PDE1A: variants seen among roughly 807,000 people sequenced by gnomAD.
The protein encoded by PDE1A is phosphodiesterase 1A.
Under a neutral mutation model 61.7 loss-of-function variants are expected in PDE1A, and 35 were observed. The observed-to-expected ratio is 0.57, with a 90% CI of 0.43 to 0.75. The LOEUF (loss-of-function observed/expected upper bound fraction) is 0.75. Among genes scored for constraint, PDE1A ranks in the 30% least tolerant of loss-of-function variants. The pLI is 0.00. For synonymous variants in PDE1A, 232 were observed against 213.2 expected, an observed-to-expected ratio of 1.09 and a Z score of -0.77; for missense variants, 597 against 630.6, an observed-to-expected ratio of 0.95 and a Z score of 0.57.
the PDE1A span, among the ~76,000 whole-genome samples, chr2:182,667,836 C>T: frequency 0.012 from 1,891 of 152,288 alleles, 27 homozygotes; most frequent in African/African-American, 0.031. Context: ...TCCAAAATCT[C>T]TTTCTTTCAA....
chr2:182,674,539 A>G, the PDE1A span, among the ~76,000 whole-genome samples: 2 of 151,040 alleles, frequency 1.3e-5, no homozygotes, highest in East Asian at 3.9e-4. Flanking sequence ...ATAAAATTAT[A>G]TATTGAATCA....
the PDE1A span, among the ~76,000 whole-genome samples, chr2:182,626,828 T>C: frequency 8.4e-5 from 3 of 35,750 alleles, no homozygotes; most frequent in South Asian, 1.1e-3. Flanking sequence ...TATATATACA[T>C]ATATATATAC....
At chr2:182,540,635 T>A in the PDE1A span, among the ~76,000 whole-genome samples, 1 of 152,204 alleles carries the variant, frequency 6.6e-6, no homozygotes, top group East Asian at 1.9e-4. Context: ...TATTTCTTGA[T>A]TTAAGTAAAG....
chr2:182,201,157 C>G (rs533513305), intron 10 of PDE1A, among the ~76,000 whole-genome samples: 5 of 152,248 alleles, frequency 3.3e-5, no homozygotes, highest in African/African-American at 1.2e-4. Flanking sequence ...GTGGCACTTA[C>G]GTCTTAACAG....
At chr2:182,247,257 TAAAA>T (rs1439342695) in intron 2 of PDE1A, among the ~76,000 whole-genome samples, 3 of 152,042 alleles carry the variant, frequency 2.0e-5, no homozygotes, top group African/African-American at 7.2e-5. Flanking sequence ...AAAGAAAACT[TAAAA>T]AAAGTATGCA....
chr2:182,600,435 T>A, the PDE1A span, among the ~76,000 whole-genome samples: 4 of 152,298 alleles, frequency 2.6e-5, no homozygotes, highest in East Asian at 3.9e-4. Flanking sequence ...TTCACACTTG[T>A]GTAGCTGAAA....
rs1249589936 is a variant in PDE1A at position 182,370,814 on chromosome 2, T to C, written c.53+55764A>G. On this transcript the variant is annotated intron_variant, in intron 1 of 13. Coordinates refer to ENST00000351439, the Ensembl canonical transcript of PDE1A. ...GTGTGCTGTTGAAACAGAAAAGTTA[T>C]GGGATTGCAGGAGATTAGGAGTTCG... is the stretch of plus-strand genomic sequence containing the variant. Among the ~76,000 whole-genome samples the C allele has an allele frequency of 2.6e-5, 4 of 152,280 alleles. No individual in the cohort carries two copies. The East Asian group carries it at 5.8e-4, about 22-fold the overall frequency.
chr2:182,511,269 G>A (rs532674004), intron 2 of PDE1A, among the ~76,000 whole-genome samples: 13 of 151,978 alleles, frequency 8.6e-5, no homozygotes, highest in Non-Finnish European at 1.3e-4. Flanking sequence ...AGACCGGCAC[G>A]CTCCAAGCAG....
intron 1 of PDE1A, among the ~76,000 whole-genome samples, chr2:182,269,631 T>C (rs944670472): frequency 6.6e-6 from 1 of 152,084 alleles, no homozygotes; most frequent in African/African-American, 2.4e-5. Flanking sequence ...ATAACAAAAC[T>C]AGATGCAATC....
the PDE1A span, among the ~76,000 whole-genome samples, chr2:182,631,059 T>TC: frequency 9.2e-5 from 14 of 152,088 alleles, no homozygotes; most frequent in Non-Finnish European, 2.1e-4. Context: ...AGGTATTGGC[T>TC]CACACAATTG....
chr2:182,166,013 G>A (rs1456147869), downstream of PDE1A, among the ~76,000 whole-genome samples: 1 of 152,220 alleles, frequency 6.6e-6, no homozygotes, highest in East Asian at 1.9e-4. Context: ...ACGTTGGCTT[G>A]TAAACAGGAT....
chr2:182,455,853 A>G (rs1047992695), intron 2 of PDE1A, among the ~76,000 whole-genome samples: 2 of 151,962 alleles, frequency 1.3e-5, no homozygotes, highest in African/African-American at 4.8e-5. Context: ...ACATGTATAC[A>G]TATGTAACAA....
At chr2:182,149,390 C>A (rs1043135470) in intron 13 of PDE1A, among the ~76,000 whole-genome samples, 12 of 152,128 alleles carry the variant, frequency 7.9e-5, no homozygotes, top group Non-Finnish European at 1.5e-4. Context: ...CCAAATGATA[C>A]ACATATTATA....
intron 2 of PDE1A, among the ~76,000 whole-genome samples, chr2:182,515,335 A>T (rs1276959403): frequency 6.6e-6 from 1 of 152,236 alleles, no homozygotes; most frequent in Non-Finnish European, 1.5e-5. Flanking sequence ...ATACAATCAG[A>T]GTATATTTAT....
intron 1 of PDE1A, among the ~76,000 whole-genome samples, chr2:182,302,910 T>C (rs544980576): frequency 5.9e-5 from 9 of 152,352 alleles, no homozygotes; most frequent in African/African-American, 1.9e-4. Flanking sequence ...ACCACTTTCT[T>C]TGCTCACGCA....
chr2:182,560,932 G>C, the PDE1A span, among the ~76,000 whole-genome samples: 1 of 152,018 alleles, frequency 6.6e-6, no homozygotes, highest in Non-Finnish European at 1.5e-5. Context: ...ATTTGTTTGA[G>C]TTCATTGTAG....
chr2:182,696,245 C>G, the PDE1A span, among the ~76,000 whole-genome samples: 1 of 152,122 alleles, frequency 6.6e-6, no homozygotes, highest in Non-Finnish European at 1.5e-5. Context: ...AGGAAATAAA[C>G]TATAGTACAT....
At chr2:182,196,462 C>T (rs1686140101) in intron 10 of PDE1A, among the ~76,000 whole-genome samples, 1 of 151,478 alleles carries the variant, frequency 6.6e-6, no homozygotes, top group South Asian at 2.1e-4. Flanking sequence ...TTCTTTAAGT[C>T]AGAGATGAGC....
rs1574578419 is a variant in PDE1A, at chr2:182,178,177, C to A, written c.1516+7715G>T. Among the ~76,000 whole-genome samples, 3 of 152,104 alleles carry A rather than the reference C, an allele frequency of 2.0e-5. No homozygotes were observed. The South Asian group carries it at 6.2e-4, about 32-fold the overall frequency. The stretch of plus-strand genomic sequence containing the variant: ...TAAGCTACCCCAAAAACAAAGGCAT[C>A]TATCCTTTGTCTTCAAATTCAAAAG... On this transcript the variant is annotated intron_variant, in intron 13 of 13. Transcript: ENST00000351439.
Sources: gnomAD v4.1 joint callset for allele counts (sites outside exome capture counted in the v4.1 genomes callset) on GRCh38, gnomAD v4.1.1 for gene constraint, MANE v1.5 for transcripts, NCBI Gene and HGNC (gene_info 2026-07-23, HGNC 2026-07-21) for gene names.